EPHA6: variants seen among roughly 807,000 people sequenced by gnomAD.
The protein encoded by EPHA6 is ephrin type-A receptor 6.
In EPHA6, 50 loss-of-function variants were observed where a neutral mutation model predicts 112.0. The ratio of observed to expected loss-of-function variants is 0.45; its 90% confidence interval spans 0.36 to 0.56. The LOEUF (loss-of-function observed/expected upper bound fraction) is 0.56, where lower values mean the gene tolerates loss of function less well. Among genes scored for constraint, EPHA6 ranks in the 20% least tolerant of loss-of-function variants. The pLI is 0.00. For missense variants in EPHA6, 1,280 were observed against 1,417.4 expected, an observed-to-expected ratio of 0.90 and a Z score of 1.56; for synonymous variants, 529 against 490.7, an observed-to-expected ratio of 1.08 and a Z score of -1.03.
intron 3 of EPHA6, among the ~76,000 whole-genome samples, chr3:97,011,244 G>A (rs970204203): frequency 6.6e-6 from 1 of 152,186 alleles, no homozygotes; most frequent in African/African-American, 2.4e-5. Flanking sequence ...AGTGTGCATG[G>A]TGCAGGTCTG....
chr3:97,634,899 G>C (rs979914462), intron 13 of EPHA6, among the ~76,000 whole-genome samples: 52 of 151,494 alleles, frequency 3.4e-4, no homozygotes, highest in Admixed American at 4.6e-4. Flanking sequence ...AAACTCATAA[G>C]ATTTACTGCT....
intron 14 of EPHA6, chr3:97,648,303 A>G (rs374131235): frequency 3.9e-5 from 51 of 1,308,440 alleles, no homozygotes; most frequent in Non-Finnish European, 5.5e-5. Flanking sequence ...TCCAAACTCT[A>G]ACACTTAACC....
At chr3:97,716,507 G>A (rs1318046935) in intron 14 of EPHA6, among the ~76,000 whole-genome samples, 2 of 123,590 alleles carry the variant, frequency 1.6e-5, no homozygotes, top group Non-Finnish European at 3.0e-5. Flanking sequence ...AGCGGAGCTT[G>A]CAGTGAGCCG....
intron 5 of EPHA6, among the ~76,000 whole-genome samples, chr3:97,327,837 GTA>G (rs113110868): frequency 0.2 from 28,809 of 144,714 alleles, 6,585 homozygotes; most frequent in African/African-American, 0.54. Flanking sequence ...GTGTGTGTGT[GTA>G]TATATATATA....
chr3:97,435,626 C>G (rs1445424930), intron 6 of EPHA6, among the ~76,000 whole-genome samples: 1 of 152,148 alleles, frequency 6.6e-6, no homozygotes, highest in Non-Finnish European at 1.5e-5. Context: ...TCCCAGACCC[C>G]TAAATACATA....
intron 11 of EPHA6, among the ~76,000 whole-genome samples, chr3:97,552,233 A>G (rs2093038457): frequency 6.6e-6 from 1 of 152,208 alleles, no homozygotes; most frequent in African/African-American, 2.4e-5. Flanking sequence ...TAAATGTACT[A>G]TTTTTATAAG....
chr3:97,134,249 A>C (rs1013163303), intron 3 of EPHA6, among the ~76,000 whole-genome samples: 3 of 152,252 alleles, frequency 2.0e-5, no homozygotes, highest in African/African-American at 7.2e-5. Context: ...CTATATATTT[A>C]GATTGCTTCT....
At chr3:97,200,673 A>C (rs917554579) in intron 3 of EPHA6, among the ~76,000 whole-genome samples, 1 of 152,064 alleles carries the variant, frequency 6.6e-6, no homozygotes, top group Admixed American at 6.6e-5. Flanking sequence ...CTCTCATTCA[A>C]TTTAATTCAA....
At chr3:97,645,431 C>T (rs1368514421) in intron 14 of EPHA6, among the ~76,000 whole-genome samples, 7 of 141,654 alleles carry the variant, frequency 4.9e-5, no homozygotes, top group Admixed American at 7.1e-5. Flanking sequence ...AACCAAACAC[C>T]GCATATTCTC....
chr3:96,824,831 T>C (rs1428379763), intron 1 of EPHA6, among the ~76,000 whole-genome samples: 3 of 152,030 alleles, frequency 2.0e-5, no homozygotes, highest in African/African-American at 7.2e-5. Context: ...CATGACCATA[T>C]GTTAGCCACG....
intron 13 of EPHA6, among the ~76,000 whole-genome samples, chr3:97,618,551 G>C (rs2093785389): frequency 6.6e-6 from 1 of 151,838 alleles, no homozygotes; most frequent in South Asian, 2.1e-4. Flanking sequence ...AAAGAGAGAA[G>C]ATTCAAATAA....
intron 10 of EPHA6, among the ~76,000 whole-genome samples, chr3:97,489,167 A>G (rs1414750525): frequency 1.3e-5 from 2 of 152,252 alleles, no homozygotes; most frequent in Non-Finnish European, 1.5e-5. Context: ...CAGTTTCTAC[A>G]TTCAGTTTTG....
chr3:97,193,727 G>T (rs1354872375), intron 3 of EPHA6, among the ~76,000 whole-genome samples: 1 of 151,906 alleles, frequency 6.6e-6, no homozygotes, highest in African/African-American at 2.4e-5. Flanking sequence ...TCTTAGAGGA[G>T]AGGCCTTCAG....
chr3:97,663,769 A>G (rs916653646), intron 14 of EPHA6, among the ~76,000 whole-genome samples: 4 of 152,134 alleles, frequency 2.6e-5, no homozygotes, highest in South Asian at 2.1e-4. Flanking sequence ...AGTCTTTGCT[A>G]TTGTGAATAG....
At chr3:97,714,022 A>G (rs1161134261) in intron 14 of EPHA6, among the ~76,000 whole-genome samples, 2 of 152,160 alleles carry the variant, frequency 1.3e-5, no homozygotes, top group African/African-American at 4.8e-5. Context: ...AATTACTAGA[A>G]CTGTGTCAGA....
intron 11 of EPHA6, among the ~76,000 whole-genome samples, chr3:97,534,757 A>G (rs1480569742): frequency 6.6e-6 from 1 of 152,020 alleles, no homozygotes; most frequent in Admixed American, 6.6e-5. Flanking sequence ...CTTCCTTGTT[A>G]TTAATTTAAC....
intron 14 of EPHA6, among the ~76,000 whole-genome samples, chr3:97,653,844 A>T (rs1381459684): frequency 6.6e-6 from 1 of 151,970 alleles, no homozygotes; most frequent in African/African-American, 2.4e-5. Context: ...TTTGCAAAAC[A>T]TAGATGAACG....
intron 5 of EPHA6, among the ~76,000 whole-genome samples, chr3:97,367,164 A>C (rs1036494059): frequency 2.6e-5 from 4 of 152,316 alleles, no homozygotes; most frequent in Middle Eastern, 3.4e-3. Context: ...ATAAGATAAA[A>C]ATAAAATAGC....
At chr3:97,242,893 T>C (rs886188527) in intron 4 of EPHA6, among the ~76,000 whole-genome samples, 1 of 151,798 alleles carries the variant, frequency 6.6e-6, no homozygotes, top group African/African-American at 2.4e-5. Context: ...TTTCTAAATA[T>C]CTCTCATAAG....
Sources: gnomAD v4.1 joint callset for allele counts (sites outside exome capture counted in the v4.1 genomes callset) on GRCh38, gnomAD v4.1.1 for gene constraint, MANE v1.5 for transcripts, NCBI Gene and HGNC (gene_info 2026-07-23, HGNC 2026-07-21) for gene names.